The following CTNNA3 variants were observed in gnomAD, a reference collection of about 807,000 sequenced individuals.
CTNNA3 encodes the protein catenin alpha-3.
In CTNNA3, 76 loss-of-function variants were observed where a neutral mutation model predicts 95.7. The observed-to-expected ratio is 0.79, with a 90% confidence interval of 0.66 to 0.96. The LOEUF is 0.96. Among genes scored for constraint, CTNNA3 ranks in the 40% least tolerant of loss-of-function variants. The probability of loss-of-function intolerance (pLI) is 0.00; values close to 1 mark genes in which losing one functional copy is unlikely to be tolerated. For missense variants in CTNNA3, 1,191 were observed against 1,089.8 expected (o/e 1.09, Z -1.31); for synonymous variants, 431 against 374.4 (o/e 1.15, Z -1.74).
In CTNNA3 at chr10:67,180,299, G is replaced by A. The variant is rs189834968; in HGVS notation, c.1047+18C>T. ...AGGGAAGAGGGGCTAGGGATGGGAA[G>A]GCAAACCAGTCACCTACGTTGTTCA... On this transcript the variant is annotated intron_variant, in intron 7 of 17. Coordinates refer to ENST00000433211, the MANE Select transcript of CTNNA3 (RefSeq NM_013266.4). 1.9e-6 allele frequency: 3 copies of A among 1,609,554 alleles called. No individual in the cohort carries two copies. The Admixed American group carries it at 5.0e-5, about 27-fold the overall frequency.
intron 1 of CTNNA3, among the ~76,000 whole-genome samples, chr10:67,707,156 T>C (rs989996767): frequency 1.3e-5 from 2 of 152,196 alleles, no homozygotes; most frequent in Non-Finnish European, 2.9e-5. Flanking sequence ...AGCCATTCTC[T>C]ACATAGCTTC....
chr10:67,192,231 T>C (rs1370815953), intron 6 of CTNNA3, among the ~76,000 whole-genome samples: 1 of 151,884 alleles, frequency 6.6e-6, no homozygotes, highest in East Asian at 1.9e-4. Flanking sequence ...AAGATTTAAG[T>C]GGGACTACTT....
At chr10:66,755,505 G>A (rs940153039) in intron 9 of CTNNA3, among the ~76,000 whole-genome samples, 2 of 152,076 alleles carry the variant, frequency 1.3e-5, no homozygotes, top group African/African-American at 4.8e-5. Flanking sequence ...GGAAATGCAA[G>A]TTGAAGCATT....
At chr10:66,323,116 C>A (rs2092210403) in intron 12 of CTNNA3, among the ~76,000 whole-genome samples, 1 of 151,832 alleles carries the variant, frequency 6.6e-6, no homozygotes. Context: ...GGTAAAAGAC[C>A]ACATTACGGG....
Position 67,513,082 on chromosome 10 carries a change from C to T in CTNNA3, c.579+8760G>A, listed in dbSNP as rs540690033. Among the ~76,000 whole-genome samples, 115 of 152,240 alleles carry T rather than the reference C, an allele frequency of 7.6e-4. 1 individual carries two copies. Among genetic ancestry groups the T allele is most frequent in the African/African-American group, 2.4e-3 (101 of 41,560 alleles). On this transcript the variant is annotated intron_variant, in intron 5 of 17. Transcript: ENST00000433211. ...ACCTCACCGCCTAATACAGTATATT[C>T]GCATGTATAGATAAATGTTAAAAGC...
intron 17 of CTNNA3, among the ~76,000 whole-genome samples, chr10:65,959,809 C>T (rs1044369323): frequency 6.6e-6 from 1 of 152,154 alleles, no homozygotes; most frequent in Non-Finnish European, 1.5e-5. Flanking sequence ...AGCCACCGTA[C>T]CTGGCAACTC....
intron 7 of CTNNA3, among the ~76,000 whole-genome samples, chr10:66,850,342 A>G (rs1378482954): frequency 6.6e-6 from 1 of 152,140 alleles, no homozygotes; most frequent in East Asian, 1.9e-4. Context: ...TGCCTATGGG[A>G]CACATAAGAT....
intron 10 of CTNNA3, 79 bp downstream of exon 10, chr10:66,621,613 A>T (rs973455389): frequency 3.2e-5 from 26 of 818,636 alleles, no homozygotes; most frequent in Non-Finnish European, 4.7e-5. Context: ...AAGAAAAAAA[A>T]ATAGTGTATT....
intron 13 of CTNNA3, among the ~76,000 whole-genome samples, chr10:66,109,320 G>C (rs1268188065): frequency 1.3e-5 from 2 of 152,178 alleles, no homozygotes; most frequent in Non-Finnish European, 2.9e-5. Context: ...CAAGAGAAGT[G>C]TTTCTCAGTC....
intron 13 of CTNNA3, among the ~76,000 whole-genome samples, chr10:66,218,149 C>G (rs2088675353): frequency 6.6e-6 from 1 of 152,170 alleles, no homozygotes; most frequent in Non-Finnish European, 1.5e-5. Flanking sequence ...TCCTACTCAC[C>G]CTGCAATGTG....
intron 1 of CTNNA3, among the ~76,000 whole-genome samples, chr10:67,673,682 G>A (rs1222498182): frequency 6.7e-6 from 1 of 149,292 alleles, no homozygotes; most frequent in Non-Finnish European, 1.5e-5. Context: ...TGCGTATGTT[G>A]AACCAGCCTT....
intron 12 of CTNNA3, among the ~76,000 whole-genome samples, chr10:66,286,660 G>A (rs1246210235): frequency 6.6e-6 from 1 of 151,990 alleles, no homozygotes; most frequent in African/African-American, 2.4e-5. Context: ...AGGTACAGAG[G>A]TTTATAGGGT....
intron 1 of CTNNA3, among the ~76,000 whole-genome samples, chr10:67,756,312 G>T (rs917278670): frequency 3.3e-5 from 5 of 151,804 alleles, no homozygotes; most frequent in Non-Finnish European, 5.9e-5. Flanking sequence ...TTTCAAAAAA[G>T]CTAGAAGAGA....
intron 11 of CTNNA3, among the ~76,000 whole-genome samples, chr10:66,385,630 C>T (rs1047500973): frequency 2.0e-5 from 3 of 151,976 alleles, no homozygotes; most frequent in African/African-American, 7.2e-5. Context: ...CTGGCAGAGA[C>T]ACAACAAAAA....
intron 5 of CTNNA3, among the ~76,000 whole-genome samples, chr10:67,351,016 T>C (rs1224556305): frequency 6.6e-6 from 1 of 151,610 alleles, no homozygotes; most frequent in East Asian, 1.9e-4. Context: ...GATACGCCCA[T>C]AGTGTGAAAT....
chr10:67,132,964 A>T (rs1213458344), intron 7 of CTNNA3, among the ~76,000 whole-genome samples: 1 of 151,980 alleles, frequency 6.6e-6, no homozygotes, highest in Non-Finnish European at 1.5e-5. Flanking sequence ...GTGGGCACAC[A>T]CATACAGTTA....
chr10:67,575,301 G>C (rs1165031795), intron 3 of CTNNA3, among the ~76,000 whole-genome samples: 1 of 151,856 alleles, frequency 6.6e-6, no homozygotes, highest in Admixed American at 6.6e-5. Context: ...CCCCCATAGA[G>C]ATATTTCTTC....
At chr10:65,982,382 G>T (rs940554691) in intron 16 of CTNNA3, among the ~76,000 whole-genome samples, 1 of 151,190 alleles carries the variant, frequency 6.6e-6, no homozygotes, top group African/African-American at 2.4e-5. Flanking sequence ...AGTGAAAAGG[G>T]AACACCTTTA....
At chr10:66,628,718 A>G (rs1845026736) in intron 9 of CTNNA3, among the ~76,000 whole-genome samples, 1 of 152,156 alleles carries the variant, frequency 6.6e-6, no homozygotes. Flanking sequence ...CACAGTAGTA[A>G]GTAGCAAAAC....
Sources: allele counts gnomAD v4.1 joint callset (sites outside exome capture counted in the v4.1 genomes callset), GRCh38; gene constraint gnomAD v4.1.1; transcripts MANE v1.5; gene names NCBI Gene and HGNC (gene_info 2026-07-23, HGNC 2026-07-21).